Variants in PTPRD observed in about 807,000 individuals in gnomAD.
PTPRD encodes the protein receptor-type tyrosine-protein phosphatase delta.
PTPRD carries 34 observed loss-of-function variants against 214.5 expected under a neutral mutation model. That is an observed-to-expected ratio of 0.16 (90% CI 0.12 to 0.21). The LOEUF is 0.21. Ranked by LOEUF, PTPRD falls within the 10% of genes least tolerant of loss-of-function variation. The pLI, the probability that PTPRD is intolerant of heterozygous loss-of-function variation, is 1.00. For missense variants in PTPRD, 2,545 were observed against 2,398.7 expected (o/e 1.06, Z -1.27); for synonymous variants, 1,128 against 845.7 (o/e 1.33, Z -5.79).
At chr9:9,315,676 T>C (rs1595665670) in intron 9 of PTPRD, among the ~76,000 whole-genome samples, 1 of 151,868 alleles carries the variant, frequency 6.6e-6, no homozygotes, top group Non-Finnish European at 1.5e-5. Context: ...CATAAACACA[T>C]TTGCTACTGT....
intron 44 of PTPRD, among the ~76,000 whole-genome samples, chr9:8,330,353 C>G (rs1312739380): frequency 3.9e-5 from 6 of 152,028 alleles, no homozygotes; most frequent in African/African-American, 1.2e-4. Context: ...TTTGTTTAGA[C>G]CTAATGCTAT....
intron 19 of PTPRD, 138 bp downstream of exon 19, chr9:8,523,375 G>C (rs1455331931): frequency 5.0e-6 from 5 of 1,003,406 alleles, no homozygotes; most frequent in Non-Finnish European, 7.5e-6. Flanking sequence ...AGAAGCCATG[G>C]CCAGGGCATT....
intron 8 of PTPRD, among the ~76,000 whole-genome samples, chr9:9,562,403 G>A (rs1569569298): frequency 6.6e-6 from 1 of 152,138 alleles, no homozygotes; most frequent in African/African-American, 2.4e-5. Context: ...CTGGCTTTAA[G>A]ACCATACCCT....
At chr9:9,711,888 C>G (rs1285144057) in intron 7 of PTPRD, among the ~76,000 whole-genome samples, 3 of 152,132 alleles carry the variant, frequency 2.0e-5, no homozygotes, top group African/African-American at 4.8e-5. Context: ...GATTTCCTAG[C>G]TAAACCACTA....
At chr9:10,575,077 G>T (rs1033934755) in intron 2 of PTPRD, among the ~76,000 whole-genome samples, 1 of 151,886 alleles carries the variant, frequency 6.6e-6, no homozygotes, top group African/African-American at 2.4e-5. Flanking sequence ...AGATTAGGCA[G>T]TATGACCAAC....
At chr9:9,234,946 G>A (rs571777030) in intron 9 of PTPRD, among the ~76,000 whole-genome samples, 7 of 152,152 alleles carry the variant, frequency 4.6e-5, no homozygotes, top group South Asian at 2.1e-4. Flanking sequence ...ACATTTTTGC[G>A]TATCTTTACA....
intron 2 of PTPRD, among the ~76,000 whole-genome samples, chr9:10,460,326 T>G (rs1031004447): frequency 6.6e-6 from 1 of 151,764 alleles, no homozygotes; most frequent in African/African-American, 2.4e-5. Flanking sequence ...ATAGATTCAA[T>G]GCAGTCCCTA....
intron 14 of PTPRD, among the ~76,000 whole-genome samples, chr9:8,534,272 G>C (rs1201275770): frequency 6.6e-6 from 1 of 151,736 alleles, no homozygotes. Context: ...TAAACACAAT[G>C]ACACTGCAAA....
At chr9:10,086,105 T>C (rs1341920389) in intron 3 of PTPRD, among the ~76,000 whole-genome samples, 4 of 151,776 alleles carry the variant, frequency 2.6e-5, no homozygotes, top group East Asian at 1.9e-4. Flanking sequence ...TGTGTAAGAA[T>C]TGATAAAGGT....
intron 8 of PTPRD, among the ~76,000 whole-genome samples, chr9:9,523,773 C>CT (rs1326835314): frequency 1.3e-5 from 2 of 152,282 alleles, no homozygotes; most frequent in East Asian, 3.9e-4. Context: ...TCCTACTCTG[C>CT]TTTTCTCTCT....
Position 9,951,237 on chromosome 9 carries a change from G to A in PTPRD, c.-471-12627C>T, listed in dbSNP as rs78206154. Among the ~76,000 whole-genome samples the A allele has an allele frequency of 6.2e-3, 946 of 152,218 alleles. 2 individuals carry two copies. The highest frequency in any genetic ancestry group is 0.01 in the Middle Eastern group (3 of 294). On this transcript the variant is annotated intron_variant, in intron 4 of 45. Transcript: ENST00000381196. Reference sequence around the variant, plus strand: ...GAGGGAAAAAAAAGTGATAAGTCTTGGGGCATCCATCTCCAATCTAAGGCA... The same window carrying A: ...GAGGGAAAAAAAAGTGATAAGTCTTAGGGCATCCATCTCCAATCTAAGGCA...
Position 8,695,813 on chromosome 9 carries a change from A to G in PTPRD, c.64+37967T>C, listed in dbSNP as rs148856580. ...AAGCCTTCAACTGAAGTTTGCTTTC[A>G]CTTTGTTTTAGCATATCCAGTTTTC... is the stretch of plus-strand genomic sequence containing the variant. On this transcript the variant is annotated intron_variant, in intron 12 of 45. Transcript: ENST00000381196. 3.3e-3 allele frequency among the ~76,000 whole-genome samples: 507 copies of G among 152,292 alleles called. 4 individuals are homozygous for G. Among genetic ancestry groups the G allele is most frequent in the East Asian group, 0.017 (86 of 5,176 alleles).
intron 5 of PTPRD, among the ~76,000 whole-genome samples, chr9:9,810,825 G>C (rs1237999508): frequency 2.0e-5 from 3 of 151,816 alleles, no homozygotes; most frequent in South Asian, 4.1e-4. Flanking sequence ...GCCATAGATA[G>C]TGACTCTTCT....
chr9:9,535,724 T>C (rs2076376223), intron 8 of PTPRD, among the ~76,000 whole-genome samples: 2 of 152,068 alleles, frequency 1.3e-5, no homozygotes, highest in Admixed American at 1.3e-4. Context: ...TTAAAGGGCC[T>C]GGAAGTGTTA....
At chr9:8,424,809 A>AC (rs753214305) in intron 35 of PTPRD, among the ~76,000 whole-genome samples, 87 of 151,924 alleles carry the variant, frequency 5.7e-4, no homozygotes, top group Non-Finnish European at 5.0e-4. Context: ...AGTTTAGAGG[A>AC]CTGATGAGTG....
In PTPRD at chr9:9,715,769, T is replaced by C. The variant is rs989558268; in HGVS notation, c.-287+18764A>G. On this transcript the variant is annotated intron_variant, in intron 7 of 45. Coordinates refer to ENST00000381196, the MANE Select transcript of PTPRD (RefSeq NM_002839.4). ...AGAGGTTAATCAAAGCTGAAGACTA[T>C]TGTGTATTGCGATTTTCACAGAATA... 7.2e-5 allele frequency among the ~76,000 whole-genome samples: 11 copies of C among 152,214 alleles called. No homozygotes were observed. The South Asian group carries it at 2.3e-3, about 31-fold the overall frequency.
At chr9:8,709,181 A>C (rs1203200549) in intron 12 of PTPRD, among the ~76,000 whole-genome samples, 2 of 152,138 alleles carry the variant, frequency 1.3e-5, no homozygotes, top group Non-Finnish European at 2.9e-5. Context: ...CTACTGTACA[A>C]CATGGTGACT....
At chr9:10,604,277 A>G (rs2078736730) in intron 2 of PTPRD, among the ~76,000 whole-genome samples, 1 of 151,854 alleles carries the variant, frequency 6.6e-6, no homozygotes. Context: ...CCTTTCTCTT[A>G]AAATAGCTAT....
chr9:9,884,178 A>G (rs544303889), intron 5 of PTPRD, among the ~76,000 whole-genome samples: 76 of 152,178 alleles, frequency 5.0e-4, no homozygotes, highest in Admixed American at 1.0e-3. Context: ...CCTCCCCATC[A>G]TCCTTCAAAC....
Sources: allele counts gnomAD v4.1 joint callset (sites outside exome capture counted in the v4.1 genomes callset), GRCh38; gene constraint gnomAD v4.1.1; transcripts MANE v1.5; gene names NCBI Gene and HGNC (gene_info 2026-07-23, HGNC 2026-07-21).